The following UBL3 variants were observed in gnomAD, a reference collection of about 807,000 sequenced individuals.
The protein encoded by UBL3 is ubiquitin-like protein 3.
In UBL3, 6 loss-of-function variants were observed where a neutral mutation model predicts 18.4. The ratio of observed to expected loss-of-function variants is 0.33; its 90% CI spans 0.18 to 0.64. UBL3 has a LOEUF of 0.64. Among genes scored for constraint, UBL3 ranks in the 30% least tolerant of loss-of-function variants. The pLI is 0.76. For synonymous variants in UBL3, 49 were observed against 46.6 expected (o/e 1.05, Z -0.21); for missense variants, 109 against 142.9 (o/e 0.76, Z 1.21).
intron 1 of UBL3, among the ~76,000 whole-genome samples, chr13:29,807,534 A>G (rs1419974732): frequency 6.6e-6 from 1 of 152,182 alleles, no homozygotes; most frequent in Non-Finnish European, 1.5e-5. Flanking sequence ...AGTTTTTCCT[A>G]TTAATTCTAT....
At chr13:29,824,057 A>G (rs960104505) in intron 1 of UBL3, among the ~76,000 whole-genome samples, 1 of 152,186 alleles carries the variant, frequency 6.6e-6, no homozygotes, top group Non-Finnish European at 1.5e-5. Flanking sequence ...TTATGGCTGC[A>G]TAGTATTCCA....
At chr13:29,839,605 C>T (rs1237776795) in intron 1 of UBL3, among the ~76,000 whole-genome samples, 1 of 152,120 alleles carries the variant, frequency 6.6e-6, no homozygotes, top group African/African-American at 2.4e-5. Flanking sequence ...GCTTGGCCAA[C>T]ACAGTGAGAC....
chr13:29,849,723 C>A lies in UBL3; in HGVS notation c.-185G>T. The A allele has an allele frequency of 1.4e-6, 1 of 726,622 alleles. No individual in the cohort carries two copies. 45.0% of individuals were successfully genotyped at this position (726,622 alleles called of 1,614,324 possible). A position where few individuals can be genotyped will look rare whatever the true frequency, so the allele number is the denominator to read the frequency against. On this transcript the variant is annotated 5_prime_UTR_variant, in exon 1 of 5. Coordinates refer to ENST00000380680, the MANE Select transcript of UBL3 (RefSeq NM_007106.4). ...GCCGAGGTTCTGGTTCGAAGAGGAACAATCCCCAGGAGCTGTGTGGCCGGA... is the reference window on the plus strand; with the variant it reads ...GCCGAGGTTCTGGTTCGAAGAGGAAAAATCCCCAGGAGCTGTGTGGCCGGA...
At chr13:29,845,548 T>C (rs182715362) in intron 1 of UBL3, among the ~76,000 whole-genome samples, 5 of 152,220 alleles carry the variant, frequency 3.3e-5, no homozygotes, top group Admixed American at 1.3e-4. Flanking sequence ...ATTCAACATA[T>C]GTCATTTTAC....
At chr13:29,795,820 T>C (rs1162999635) in intron 1 of UBL3, among the ~76,000 whole-genome samples, 1 of 150,898 alleles carries the variant, frequency 6.6e-6, no homozygotes, top group Non-Finnish European at 1.5e-5. Flanking sequence ...CAGTCCCAGT[T>C]ACTTGGAAGG....
At chr13:29,819,917 T>C (rs1224973486) in intron 1 of UBL3, among the ~76,000 whole-genome samples, 1 of 152,112 alleles carries the variant, frequency 6.6e-6, no homozygotes, top group African/African-American at 2.4e-5. Context: ...CCAAAACTTT[T>C]CTATAGACAA....
chr13:29,792,570 A>G (rs972585438), intron 1 of UBL3, among the ~76,000 whole-genome samples: 3 of 152,210 alleles, frequency 2.0e-5, no homozygotes, highest in African/African-American at 7.2e-5. Flanking sequence ...AGTCCTATTC[A>G]GCTCAGACAA....
intron 1 of UBL3, among the ~76,000 whole-genome samples, chr13:29,827,647 T>G (rs961475394): frequency 6.6e-6 from 1 of 152,336 alleles, no homozygotes. Context: ...TGCCAGTCTG[T>G]GTCTTTTAAT....
At chr13:29,803,166 A>G (rs1376634263) in intron 1 of UBL3, among the ~76,000 whole-genome samples, 2 of 152,250 alleles carry the variant, frequency 1.3e-5, no homozygotes, top group African/African-American at 4.8e-5. Flanking sequence ...AAGTTTAATA[A>G]GCAAAGGAGA....
intron 1 of UBL3, among the ~76,000 whole-genome samples, chr13:29,799,130 G>A (rs765488445): frequency 2.1e-4 from 32 of 152,242 alleles, no homozygotes; most frequent in Admixed American, 7.8e-4. Context: ...GAGCTGTTTT[G>A]TGCATTGTAG....
intron 1 of UBL3, among the ~76,000 whole-genome samples, chr13:29,779,699 T>A (rs2031280): frequency 1.3e-5 from 2 of 152,106 alleles, no homozygotes; most frequent in Non-Finnish European, 2.9e-5. Context: ...TGATCTGACA[T>A]GAACAGATAG....
At chr13:29,836,845 G>GA (rs779457527) in intron 1 of UBL3, among the ~76,000 whole-genome samples, 9 of 152,174 alleles carry the variant, frequency 5.9e-5, no homozygotes, top group Non-Finnish European at 1.2e-4. Flanking sequence ...CTGAAATTCA[G>GA]AAAATCCCAA....
At chr13:29,779,115 G>C (rs1020955839) in intron 1 of UBL3, 4 of 377,310 alleles carry the variant, frequency 1.1e-5, no homozygotes, top group Admixed American at 4.5e-5. Context: ...TCAAGAAGTA[G>C]TCTGCAAGAA....
At chr13:29,815,287 G>A (rs1878239877) in intron 1 of UBL3, among the ~76,000 whole-genome samples, 1 of 152,048 alleles carries the variant, frequency 6.6e-6, no homozygotes, top group Non-Finnish European at 1.5e-5. Context: ...TTAGATGAGT[G>A]GGAAATGGGT....
intron 1 of UBL3, among the ~76,000 whole-genome samples, chr13:29,794,707 G>A (rs775029973): frequency 6.6e-6 from 1 of 152,142 alleles, no homozygotes; most frequent in Non-Finnish European, 1.5e-5. Context: ...CCTGGGCACT[G>A]GGTGCCCTTT....
Position 29,765,128 on chromosome 13 carries a change from G to A in UBL3, c.*2127C>T, listed in dbSNP as rs1690620238. 1 of 151,566 alleles carries A rather than the reference G, an allele frequency of 6.6e-6. No homozygotes were observed. Among genetic ancestry groups the A allele is most frequent in the South Asian group, 2.1e-4 (1 of 4,792 alleles). 9.4% of individuals were successfully genotyped at this position (151,566 alleles called of 1,614,324 possible). A position where few individuals can be genotyped will look rare whatever the true frequency, so the allele number is the denominator to read the frequency against. On this transcript the variant is annotated 3_prime_UTR_variant, in exon 5 of 5. Transcript: ENST00000380680. ...CTGAGAACACACAGAAAAATATATT[G>A]AAAAACCAATAGAGAATTATTTTTA...
intron 1 of UBL3, among the ~76,000 whole-genome samples, chr13:29,780,388 A>ATGTGTG (rs1316552641): frequency 9.2e-4 from 87 of 94,918 alleles, no homozygotes; most frequent in African/African-American, 2.9e-3. Context: ...ATATATATAT[A>ATGTGTG]TATGTGTGTG....
chr13:29,816,005 T>C (rs1348651040), intron 1 of UBL3, among the ~76,000 whole-genome samples: 3 of 152,162 alleles, frequency 2.0e-5, no homozygotes, highest in Non-Finnish European at 4.4e-5. Context: ...TTAGGACATA[T>C]TAGGTAGGTG....
chr13:29,804,378 G>A (rs772824511), intron 1 of UBL3, among the ~76,000 whole-genome samples: 1 of 152,044 alleles, frequency 6.6e-6, no homozygotes, highest in Non-Finnish European at 1.5e-5. Context: ...AAGTCTGAAA[G>A]ATCTCAAATT....
Sources: allele counts gnomAD v4.1 joint callset (sites outside exome capture counted in the v4.1 genomes callset), GRCh38; gene constraint gnomAD v4.1.1; transcripts MANE v1.5; gene names NCBI Gene and HGNC (gene_info 2026-07-23, HGNC 2026-07-21).